The following UTRN variants were observed in gnomAD, a reference collection of about 807,000 sequenced individuals.
The protein encoded by UTRN is utrophin.
A neutral mutation model predicts 463.9 loss-of-function variants in UTRN; 283 were observed. That is an observed-to-expected ratio of 0.61 (90% CI 0.55 to 0.67). UTRN has a LOEUF of 0.67. UTRN is among the 30% of genes least tolerant of loss of function. UTRN has a pLI of 0.00. For missense variants in UTRN, 3,922 were observed against 4,084.3 expected (o/e 0.96, Z 1.08); for synonymous variants, 1,442 against 1,431.5 (o/e 1.01, Z -0.17).
At chr6:144,766,630 T>C (rs538353641) in intron 58 of UTRN, among the ~76,000 whole-genome samples, 1 of 152,006 alleles carries the variant, frequency 6.6e-6, no homozygotes, top group South Asian at 2.1e-4. Flanking sequence ...ATAGGACCAG[T>C]TTGAGTGCAG....
Position 144,748,517 on chromosome 6 carries a change from C to G in UTRN, c.8208+3C>G. 1.2e-6 allele frequency: 2 copies of G among 1,611,126 alleles called. No homozygotes were observed. Among genetic ancestry groups the G allele is most frequent in the East Asian group, 2.2e-5 (1 of 44,798 alleles). Reference sequence around the variant, plus strand: ...AGGATCACATTGAAAAAATCATGGTCAGCATCATTGTCTTTGAAGGATTTT... The same window carrying G: ...AGGATCACATTGAAAAAATCATGGTGAGCATCATTGTCTTTGAAGGATTTT... On this transcript the variant is annotated splice_donor_region_variant and intron_variant, in intron 55 of 74. Coordinates refer to ENST00000367545, the MANE Select transcript of UTRN (RefSeq NM_007124.3).
chr6:144,290,001 CTG>C (rs750824730), intron 1 of UTRN, among the ~76,000 whole-genome samples: 3 of 152,164 alleles, frequency 2.0e-5, no homozygotes, highest in Non-Finnish European at 4.4e-5. Flanking sequence ...TTCTGTCTGT[CTG>C]TGTGTATGCA....
chr6:144,537,767 C>T (rs772821613), intron 44 of UTRN, 50 bp downstream of exon 44: 11 of 1,579,584 alleles, frequency 7.0e-6, no homozygotes, highest in African/African-American at 4.1e-5. Flanking sequence ...GAACATTATA[C>T]TTCAGAGTCA....
intron 14 of UTRN, among the ~76,000 whole-genome samples, chr6:144,445,571 C>CCCG (rs1787604750): frequency 1.3e-5 from 2 of 151,262 alleles, no homozygotes; most frequent in Admixed American, 1.3e-4. Context: ...CCCCCCCGCC[C>CCCG]TCAATCTGTG....
In UTRN at chr6:144,461,865, G is replaced by C. The variant is rs555578931; in HGVS notation, c.2853+523G>C. 7.5e-4 allele frequency among the ~76,000 whole-genome samples: 114 copies of C among 152,182 alleles called. 1 individual carries two copies. The highest frequency in any genetic ancestry group is 2.6e-3 in the African/African-American group (109 of 41,508). ...AAAAAGCTTTAATTTTTATGATTAT[G>C]CCTATTTTTTTCATGAGTTTTTCAT... On this transcript the variant is annotated intron_variant, in intron 22 of 74. Transcript: ENST00000367545.
intron 39 of UTRN, 42 bp from the exon 40 acceptor site, chr6:144,521,938 T>TAC: frequency 1.4e-6 from 1 of 734,080 alleles, no homozygotes; most frequent in Non-Finnish European, 1.8e-6. Context: ...TTTTAAGAGA[T>TAC]ATATATATAT....
intron 58 of UTRN, among the ~76,000 whole-genome samples, chr6:144,767,292 G>C (rs983590500): frequency 1.3e-5 from 2 of 152,110 alleles, no homozygotes; most frequent in African/African-American, 4.8e-5. Flanking sequence ...TCCAGAGTAG[G>C]CAAGTAATTG....
At position 144,730,466 on chromosome 6, in the gene UTRN, G is replaced by A. The variant is rs1271799308; in HGVS notation, c.7919G>A (p.Arg2640Lys). ...QPIEAPEEPR[R>K]NLQSKTELTP... ...ATTGAGGCCCCTGAAGAGCCAAGAA[G>A]AAACCTACAATCAAAAACAGGTGAG... Residue 2640 changes from arginine to lysine, a missense_variant, in exon 54 of 75, where the codon AGA becomes AAA. Around this residue, in one of 3 missense-constraint regions of UTRN, gnomAD observed 1,309 missense variants for 1,452.6 expected, o/e 0.90. Transcript: ENST00000367545. The A allele has an allele frequency of 3.1e-6, 5 of 1,608,372 alleles. No individual in the cohort carries two copies. The African/African-American group carries it at 6.7e-5, about 22-fold the overall frequency.
At chr6:144,437,511 C>CT (rs879148403) in intron 10 of UTRN, 54 bp from the exon 11 acceptor site, 29,377 of 1,171,820 alleles carry the variant, frequency 0.025, no homozygotes, top group South Asian at 0.029. Context: ...TTCAGTCTTC[C>CT]TTTTTTTTTT....
At chr6:144,495,197 G>C (rs920554798) in intron 33 of UTRN, among the ~76,000 whole-genome samples, 1 of 152,200 alleles carries the variant, frequency 6.6e-6, no homozygotes, top group Non-Finnish European at 1.5e-5. Flanking sequence ...CGTGGAGCAG[G>C]GGGTGGCACT....
chr6:144,699,961 C>T (rs544466681), intron 52 of UTRN, 126 bp from the exon 53 acceptor site: 2 of 718,290 alleles, frequency 2.8e-6, no homozygotes, highest in Non-Finnish European at 3.9e-6. Flanking sequence ...AGGAGTCAGT[C>T]TCTTTTGTGG....
intron 2 of UTRN, among the ~76,000 whole-genome samples, chr6:144,307,573 C>G (rs547659278): frequency 6.6e-6 from 1 of 152,286 alleles, no homozygotes; most frequent in Admixed American, 6.5e-5. Context: ...CTGAGGGTCT[C>G]ACACTTTTGC....
chr6:144,819,911 C>CCTCCTCCTCCTCCTCCTCTCT (rs11397588), intron 65 of UTRN, among the ~76,000 whole-genome samples: 6 of 118,626 alleles, frequency 5.1e-5, no homozygotes, highest in South Asian at 5.6e-4. Flanking sequence ...TCCTCCTCCT[C>CCTCCTCCTCCTCCTCCTCTCT]CTCTCTCTCT....
At chr6:144,625,177 A>C (rs545528419) in intron 51 of UTRN, among the ~76,000 whole-genome samples, 81 of 152,318 alleles carry the variant, frequency 5.3e-4, no homozygotes, top group African/African-American at 1.7e-3. Context: ...CCCTGTAAAG[A>C]AACCAGTGAA....
intron 2 of UTRN, among the ~76,000 whole-genome samples, chr6:144,305,560 A>G (rs908999381): frequency 1.3e-5 from 2 of 152,234 alleles, no homozygotes; most frequent in East Asian, 3.8e-4. Flanking sequence ...ATTTGTGTGC[A>G]CTTGAGAACA....
At chr6:144,342,737 G>T (rs986009081) in intron 2 of UTRN, among the ~76,000 whole-genome samples, 3 of 152,166 alleles carry the variant, frequency 2.0e-5, no homozygotes, top group Admixed American at 1.3e-4. Context: ...GTCGATTGTG[G>T]TGATGGTTGT....
intron 51 of UTRN, among the ~76,000 whole-genome samples, chr6:144,598,636 T>G (rs915715303): frequency 1.3e-5 from 2 of 152,216 alleles, no homozygotes; most frequent in African/African-American, 4.8e-5. Flanking sequence ...CAAAGAAATA[T>G]ATTTTGGGGT....
intron 25 of UTRN, among the ~76,000 whole-genome samples, chr6:144,476,082 A>G (rs1292971836): frequency 6.6e-6 from 1 of 150,536 alleles, no homozygotes; most frequent in South Asian, 2.1e-4. Flanking sequence ...TCTTAAAAAA[A>G]AAACAAAAAT....
chr6:144,755,486 C>A (rs1382921513), intron 57 of UTRN, among the ~76,000 whole-genome samples: 1 of 152,154 alleles, frequency 6.6e-6, no homozygotes, highest in Admixed American at 6.5e-5. Flanking sequence ...CATTCTGTCG[C>A]TTACCAGACC....
Sources: gnomAD v4.1 joint callset for allele counts (sites outside exome capture counted in the v4.1 genomes callset) on GRCh38, gnomAD v4.1.1 for gene constraint, gnomAD v4.1.1 regional missense constraint, MANE v1.5 for transcripts, NCBI Gene and HGNC (gene_info 2026-07-23, HGNC 2026-07-21) for gene names.